Variants in NSD1 observed in about 807,000 individuals in gnomAD.
NSD1 encodes histone-lysine N-methyltransferase, H3 lysine-36 specific.
A neutral mutation model predicts 242.7 loss-of-function variants in NSD1; 26 were observed. The observed-to-expected ratio is 0.11, with a 90% CI of 0.08 to 0.15. The LOEUF (loss-of-function observed/expected upper bound fraction) is 0.15, where lower values mean the gene tolerates loss of function less well. Ranked by LOEUF, NSD1 falls within the 10% of genes least tolerant of loss-of-function variation. The probability of loss-of-function intolerance (pLI) is 1.00; values close to 1 mark genes in which losing one functional copy is unlikely to be tolerated. For missense variants in NSD1, 2,495 were observed against 3,272.8 expected (o/e 0.76, Z 5.80); for synonymous variants, 1,106 against 1,178.1 (o/e 0.94, Z 1.25).
At chr5:177,140,845 G>C (rs551472618) in intron 2 of NSD1, among the ~76,000 whole-genome samples, 2 of 152,166 alleles carry the variant, frequency 1.3e-5, no homozygotes, top group East Asian at 1.9e-4. Context: ...GATGTCTAAG[G>C]CTTATAGTTT....
Position 177,245,260 on chromosome 5 carries a change from A to G in NSD1, c.4378+990A>G, listed in dbSNP as rs187267671. On this transcript the variant is annotated intron_variant, in intron 9 of 22. Transcript: ENST00000439151. ...TAAAATAATAGTAGTAATAATAATA[A>G]CAACAGCTCTTTTCCTGTATTTTTA... Among the ~76,000 whole-genome samples, 7 of 152,348 alleles carry G rather than the reference A, an allele frequency of 4.6e-5. No individual in the cohort carries two copies. The East Asian group carries it at 9.6e-4, about 21-fold the overall frequency.
At position 177,299,703 on chromosome 5, in the gene NSD1, C is replaced by A. The variant is rs1323794834; in HGVS notation, c.*4244C>A. ...GGTTCCTTCTCTAGAGCTGCTTTCC[C>A]ATGGCTTTCAAAACATCAGGTTATT... On this transcript the variant is annotated 3_prime_UTR_variant, in exon 23 of 23. Coordinates refer to ENST00000439151, the MANE Select transcript of NSD1 (RefSeq NM_022455.5). 8.6e-6 allele frequency: 2 copies of A among 233,190 alleles called. No homozygotes were observed. The highest frequency in any genetic ancestry group is 1.8e-4 in the South Asian group (1 of 5,530). The allele number at this position is 233,190 out of a possible 1,614,324, so 14.4% of individuals were successfully genotyped here. A position where few individuals can be genotyped will look rare whatever the true frequency, so the allele number is the denominator to read the frequency against.
At chr5:177,191,852 T>A (rs1390480437) in intron 2 of NSD1, 32 bp from the exon 3 acceptor site, 1 of 1,611,656 alleles carries the variant, frequency 6.2e-7, no homozygotes, top group African/African-American at 1.3e-5. Flanking sequence ...ATTTTGATTC[T>A]TATTGATGCC....
chr5:177,233,535 G>GTTT lies in NSD1; in HGVS notation c.3797-2285_3797-2284insTTT, dbSNP rs1268123631. On this transcript the variant is annotated intron_variant, in intron 5 of 22. Transcript: ENST00000439151. Reference sequence around the variant, plus strand: ...AGACATGAGCCACCATGCCTGGCTAGTATTTTTTTTTTTTTTTTTTTTAAG... The same window carrying GTTT: ...AGACATGAGCCACCATGCCTGGCTAGTTTTATTTTTTTTTTTTTTTTTTTTAAG... Among the ~76,000 whole-genome samples, 21 of 61,930 alleles carry GTTT rather than the reference G, an allele frequency of 3.4e-4. No individual in the cohort carries two copies. The South Asian group carries it at 0.013, about 37-fold the overall frequency. 40.6% of individuals were successfully genotyped at this position (61,930 alleles called of 152,430 possible).
chr5:177,256,275 CTTTTTTTTT>C (rs147226070), intron 12 of NSD1, among the ~76,000 whole-genome samples: 4 of 76,850 alleles, frequency 5.2e-5, no homozygotes, highest in African/African-American at 1.1e-4. Context: ...TGCCCCCACA[CTTTTTTTTT>C]TTTTTTTTTT....
Position 177,294,035 on chromosome 5 carries a change from C to T in NSD1, c.6667C>T (p.Pro2223Ser), listed in dbSNP as rs1760070315. ...LEPGEIREYV[P>S]PPVPLPPGPS... ...ACCTGGGGAGATCCGTGAGTATGTG[C>T]CTCCCCCAGTACCGCTGCCTCCAGG... is the stretch of plus-strand genomic sequence containing the variant. Residue 2223 changes from proline (P) to serine (S), a missense_variant, in exon 23 of 23, where the codon CCT (proline) becomes TCT (serine). Pro to Ser is a moderately conservative substitution (Grantham distance 74). Transcript: ENST00000439151. 6.2e-7 allele frequency: 1 copy of T among 1,613,946 alleles called. No individual in the cohort carries two copies. The highest frequency in any genetic ancestry group is 8.5e-7 in the Non-Finnish European group (1 of 1,180,016).
At chr5:177,167,177 A>AT (rs1759275607) in intron 2 of NSD1, among the ~76,000 whole-genome samples, 1 of 152,098 alleles carries the variant, frequency 6.6e-6, no homozygotes. Context: ...AAAGAGACTA[A>AT]TTTTTTAACA....
intron 4 of NSD1, among the ~76,000 whole-genome samples, chr5:177,207,626 G>T (rs1201336370): frequency 2.2e-5 from 2 of 90,918 alleles, no homozygotes; most frequent in Non-Finnish European, 1.9e-5. Flanking sequence ...TTTTTTTAGA[G>T]AAGGGGTGGG....
chr5:177,136,884 G>A, intron 2 of NSD1: 1 of 699,776 alleles, frequency 1.4e-6, no homozygotes, highest in South Asian at 1.5e-5. Context: ...GACTGGCCTT[G>A]TCATGTTGCC....
intron 3 of NSD1, among the ~76,000 whole-genome samples, chr5:177,198,629 A>T (rs1562189741): frequency 6.6e-6 from 1 of 151,904 alleles, no homozygotes; most frequent in African/African-American, 2.4e-5. Flanking sequence ...AAACACCAAC[A>T]TATGGGGGGG....
rs548753387 is a variant in NSD1, at chr5:177,134,682, A to G, written c.-17-405A>G. 1.3e-5 allele frequency among the ~76,000 whole-genome samples: 2 copies of G among 152,284 alleles called. No individual in the cohort carries two copies. The highest frequency in any genetic ancestry group is 2.1e-4 in the South Asian group (1 of 4,824). The stretch of plus-strand genomic sequence containing the variant: ...GGAAGGGGGGGGTACCTTTTTGTGC[A>G]GGGTCCAGGAGCCCCCCTCGGACCC... On this transcript the variant is annotated intron_variant, in intron 1 of 22. Coordinates refer to ENST00000439151, the MANE Select transcript of NSD1 (RefSeq NM_022455.5). The surrounding 1 kb of genome is among the most constrained non-coding windows in gnomAD (Gnocchi z 4.2).
intron 2 of NSD1, among the ~76,000 whole-genome samples, chr5:177,158,938 G>GTGTGTA (rs1554173029): frequency 0.018 from 2,509 of 141,710 alleles, 28 homozygotes; most frequent in Non-Finnish European, 0.028. Flanking sequence ...GTGTGTGTGT[G>GTGTGTA]TATATATACA....
chr5:177,209,881 C>T lies in NSD1; in HGVS notation c.1482C>T (p.Cys494=), dbSNP rs1363405. Residue 494 remains cysteine (C), a synonymous_variant, in exon 5 of 23, where the codon TGC becomes TGT. Transcript: ENST00000439151. ...CTGCAGATGAGAAGGAAAAGCCTTG[C>T]GCTAAATCTCGAGCCAGAAAGAGCT... ...EHSADEKEKP[C]AKSRARKSSD... The T allele has an allele frequency of 0.24, 394,000 of 1,613,566 alleles. 60,164 individuals are homozygous for T. The highest frequency in any genetic ancestry group is 0.69 in the African/African-American group (51,410 of 74,912).
intron 2 of NSD1, among the ~76,000 whole-genome samples, chr5:177,146,497 TCCAG>T (rs1189262148): frequency 6.6e-6 from 1 of 151,788 alleles, no homozygotes; most frequent in Non-Finnish European, 1.5e-5. Context: ...AGCCACCGCG[TCCAG>T]CCAGTCTTAC....
chr5:177,232,268 T>A (rs1339401388), intron 5 of NSD1, among the ~76,000 whole-genome samples: 1 of 152,208 alleles, frequency 6.6e-6, no homozygotes. Context: ...GTTTGTAAAG[T>A]GGTTTTGAAA....
chr5:177,224,557 T>C (rs1764492588), intron 5 of NSD1, among the ~76,000 whole-genome samples: 2 of 151,768 alleles, frequency 1.3e-5, no homozygotes, highest in Middle Eastern at 3.4e-3. Flanking sequence ...GCTGAACTCA[T>C]CTCTGTTAAT....
At chr5:177,146,244 T>C (rs1581122094) in intron 2 of NSD1, among the ~76,000 whole-genome samples, 1 of 144,014 alleles carries the variant, frequency 6.9e-6, no homozygotes, top group Non-Finnish European at 1.5e-5. Context: ...CTCCATCTGA[T>C]GCCCAGGCTA....
chr5:177,266,890 A>C (rs967503379), intron 14 of NSD1, among the ~76,000 whole-genome samples: 2 of 152,202 alleles, frequency 1.3e-5, no homozygotes, highest in South Asian at 2.1e-4. Flanking sequence ...ATTTGAGGCA[A>C]GAGCCTTGCT....
chr5:177,287,320 T>C (rs1386563182), intron 20 of NSD1, among the ~76,000 whole-genome samples: 2 of 152,276 alleles, frequency 1.3e-5, no homozygotes, highest in South Asian at 2.1e-4. Flanking sequence ...ATTTTAGTTA[T>C]CTATCCATAA....
Sources: allele counts gnomAD v4.1 joint callset (sites outside exome capture counted in the v4.1 genomes callset), GRCh38; gene constraint gnomAD v4.1.1; non-coding constraint Gnocchi (gnomAD v3.1); transcripts MANE v1.5; gene names NCBI Gene and HGNC (gene_info 2026-07-23, HGNC 2026-07-21).